The following FNBP1 variants were observed in gnomAD, a reference collection of about 807,000 sequenced individuals.
FNBP1 encodes formin binding protein 1, also known as formin-binding protein 1.
A neutral mutation model predicts 90.6 loss-of-function variants in FNBP1; 26 were observed. The ratio of observed to expected loss-of-function variants is 0.29; its 90% CI spans 0.21 to 0.40. FNBP1 has a LOEUF of 0.40. Ranked by LOEUF, FNBP1 falls within the 10% of genes least tolerant of loss-of-function variation. The pLI is 1.00. For missense variants in FNBP1, 635 were observed against 768.0 expected (o/e 0.83, Z 2.05); for synonymous variants, 260 against 265.2 (o/e 0.98, Z 0.19).
chr9:130,030,362 G>T (rs907287488), intron 1 of FNBP1, among the ~76,000 whole-genome samples: 1 of 151,578 alleles, frequency 6.6e-6, no homozygotes, highest in Non-Finnish European at 1.5e-5. Flanking sequence ...TTGAAACTGG[G>T]AGCCGGAGGT....
At position 129,994,961 on chromosome 9, in the gene FNBP1, G is replaced by A. The variant is rs1290308406; in HGVS notation, c.25-3C>T. On this transcript the variant is annotated splice_region_variant and splice_polypyrimidine_tract_variant and intron_variant, in intron 1 of 16. Coordinates refer to ENST00000446176, the MANE Select transcript of FNBP1 (RefSeq NM_015033.3). ...TTTTCTAAGTTGTCAAACTGATCCT[G>A]TTGAAACAAACCAAGAGAGAAGTTA... 3.6e-6 allele frequency: 5 copies of A among 1,383,922 alleles called. No individual in the cohort carries two copies. Among genetic ancestry groups the A allele is most frequent in the Non-Finnish European group, 5.1e-6 (5 of 976,578 alleles). 85.7% of individuals were successfully genotyped at this position (1,383,922 alleles called of 1,614,324 possible). A position where few individuals can be genotyped will look rare whatever the true frequency, so the allele number is the denominator to read the frequency against.
chr9:129,953,081 T>C (rs960420450), intron 6 of FNBP1, among the ~76,000 whole-genome samples: 1 of 152,216 alleles, frequency 6.6e-6, no homozygotes, highest in Admixed American at 6.5e-5. Context: ...TTATTTTCAA[T>C]TACTTACAGA....
At chr9:129,997,507 C>T (rs2054185876) in intron 1 of FNBP1, among the ~76,000 whole-genome samples, 1 of 152,132 alleles carries the variant, frequency 6.6e-6, no homozygotes, top group Non-Finnish European at 1.5e-5. Context: ...ATCAAGTAAG[C>T]TAATAGTGTA....
chr9:129,923,332 G>A (rs2041379052), intron 10 of FNBP1, among the ~76,000 whole-genome samples: 1 of 152,092 alleles, frequency 6.6e-6, no homozygotes, highest in Non-Finnish European at 1.5e-5. Context: ...TGTAATCCCA[G>A]CACTTTGTAA....
chr9:130,033,079 T>C (rs1216538151), intron 1 of FNBP1, among the ~76,000 whole-genome samples: 1 of 152,202 alleles, frequency 6.6e-6, no homozygotes. Context: ...CTACAGTTTG[T>C]TCCCAGGGAC....
rs2131140909 is a variant in FNBP1, at chr9:129,890,408, A to AGAGG, written c.*130_*131insCCTC. 1.3e-6 allele frequency: 1 copy of AGAGG among 761,808 alleles called. No individual in the cohort carries two copies. The highest frequency in any genetic ancestry group is 1.5e-5 in the South Asian group (1 of 64,730). The allele number at this position is 761,808 out of a possible 1,614,324, so 47.2% of individuals were successfully genotyped here. A position where few individuals can be genotyped will look rare whatever the true frequency, so the allele number is the denominator to read the frequency against. The stretch of plus-strand genomic sequence containing the variant: ...CGCAGGGAGCATGCTGGAGAGAGAG[A>AGAGG]GAGACCGCCCCGCAGGGATGGGGCT... On this transcript the variant is annotated 3_prime_UTR_variant, in exon 17 of 17. Coordinates refer to ENST00000446176, the MANE Select transcript of FNBP1 (RefSeq NM_015033.3). This position sits in a 1 kb window ranked among gnomAD's most constrained non-coding sequence, Gnocchi z 5.8.
At chr9:129,940,413 T>C (rs1018320770) in intron 6 of FNBP1, among the ~76,000 whole-genome samples, 4 of 151,994 alleles carry the variant, frequency 2.6e-5, no homozygotes, top group Non-Finnish European at 5.9e-5. Flanking sequence ...ATGAGTTAAA[T>C]AGAATAATTT....
Position 129,900,166 on chromosome 9 carries a change from TC to T in FNBP1, c.1551-66del. 6.7e-7 allele frequency: 1 copy of T among 1,486,528 alleles called. No homozygotes were observed. Among genetic ancestry groups the T allele is most frequent in the Non-Finnish European group, 9.0e-7 (1 of 1,114,766 alleles). The allele number at this position is 1,486,528 out of a possible 1,614,324, so 92.1% of individuals were successfully genotyped here. A position where few individuals can be genotyped will look rare whatever the true frequency, so the allele number is the denominator to read the frequency against. On this transcript the variant is annotated intron_variant, in intron 14 of 16. Coordinates refer to ENST00000446176, the MANE Select transcript of FNBP1 (RefSeq NM_015033.3). This position sits in a 1 kb window ranked among gnomAD's most constrained non-coding sequence, Gnocchi z 4.1. ...GACCCCAGGGAGGACTCAGATTGAG[TC>T]CCTGCGACTGGAGAGCACTTGCAAC... is the stretch of plus-strand genomic sequence containing the variant.
At chr9:129,901,246 G>A (rs7872823) in intron 13 of FNBP1, among the ~76,000 whole-genome samples, 87,290 of 151,212 alleles carry the variant, frequency 0.58, 25,388 homozygotes, top group East Asian at 0.8. Flanking sequence ...TCTCTACTAA[G>A]AGTACAAAAA....
At chr9:130,018,591 T>C (rs996822866) in intron 1 of FNBP1, among the ~76,000 whole-genome samples, 24 of 151,792 alleles carry the variant, frequency 1.6e-4, no homozygotes, top group Non-Finnish European at 3.2e-4. Flanking sequence ...TTAGAGACAG[T>C]CTCACTCTGT....
At chr9:130,004,999 GAGGTTGC>G (rs2055444929) in intron 1 of FNBP1, among the ~76,000 whole-genome samples, 1 of 149,486 alleles carries the variant, frequency 6.7e-6, no homozygotes, top group Non-Finnish European at 1.5e-5. Context: ...CCAGGAGGTG[GAGGTTGC>G]AGTGAGATGA....
At chr9:130,048,434 C>G in the FNBP1 span, among the ~76,000 whole-genome samples, 1 of 148,710 alleles carries the variant, frequency 6.7e-6, no homozygotes, top group Non-Finnish European at 1.5e-5. Context: ...ATAGTTCTGT[C>G]CAGACAGCTA....
intron 1 of FNBP1, among the ~76,000 whole-genome samples, chr9:130,008,415 T>C (rs1309509572): frequency 6.6e-6 from 1 of 152,134 alleles, no homozygotes; most frequent in East Asian, 1.9e-4. Flanking sequence ...CAGATAGGTA[T>C]GGTATTGTCA....
intron 6 of FNBP1, chr9:129,933,705 C>T (rs2043068103): frequency 1.3e-5 from 2 of 152,184 alleles, no homozygotes; most frequent in African/African-American, 4.8e-5. Context: ...CATGCTTGGA[C>T]ATACAATTGC....
chr9:129,940,471 A>G (rs2044159211), intron 6 of FNBP1, among the ~76,000 whole-genome samples: 1 of 152,110 alleles, frequency 6.6e-6, no homozygotes, highest in African/African-American at 2.4e-5. Flanking sequence ...TATGTAATAT[A>G]TAGGAAATGA....
intron 1 of FNBP1, among the ~76,000 whole-genome samples, chr9:130,037,807 G>A (rs2059458459): frequency 6.6e-6 from 1 of 152,076 alleles, no homozygotes. Flanking sequence ...GTGCAGAAAG[G>A]TGTTATAATT....
intron 1 of FNBP1, among the ~76,000 whole-genome samples, chr9:130,011,033 A>T (rs2056489176): frequency 6.6e-6 from 1 of 150,440 alleles, no homozygotes; most frequent in African/African-American, 2.4e-5. Context: ...AACAGACAGC[A>T]GAGATGGAAG....
At chr9:129,943,149 T>C (rs898158125) in intron 6 of FNBP1, among the ~76,000 whole-genome samples, 4 of 148,628 alleles carry the variant, frequency 2.7e-5, no homozygotes, top group South Asian at 2.2e-4. Flanking sequence ...CTTTCTCTTT[T>C]CTGTTTCTAC....
At chr9:129,909,239 T>C (rs1383875318) in intron 11 of FNBP1, among the ~76,000 whole-genome samples, 1 of 152,160 alleles carries the variant, frequency 6.6e-6, no homozygotes, top group African/African-American at 2.4e-5. Context: ...GAAAAAGCAG[T>C]GAGCAACGCT....
Sources: allele counts gnomAD v4.1 joint callset (sites outside exome capture counted in the v4.1 genomes callset), GRCh38; gene constraint gnomAD v4.1.1; non-coding constraint Gnocchi (gnomAD v3.1); transcripts MANE v1.5; gene names NCBI Gene and HGNC (gene_info 2026-07-23, HGNC 2026-07-21).